The following PRELID2 variants were observed in gnomAD, a reference collection of about 807,000 sequenced individuals.
PRELID2 encodes the protein PRELI domain-containing protein 2.
PRELID2 carries 25 observed loss-of-function variants against 28.4 expected under a neutral mutation model. The observed-to-expected ratio is 0.88, with a 90% confidence interval of 0.64 to 1.23. The LOEUF is 1.23. Ranked by LOEUF, PRELID2 falls within the 50% of genes most tolerant of loss-of-function variation. PRELID2 has a pLI of 0.00. For missense variants in PRELID2, 201 were observed against 214.4 expected (o/e 0.94, Z 0.39); for synonymous variants, 76 against 71.6 (o/e 1.06, Z -0.31).
At chr5:145,722,033 T>C (rs1219922851) in intron 1 of PRELID2, among the ~76,000 whole-genome samples, 3 of 152,090 alleles carry the variant, frequency 2.0e-5, no homozygotes, top group African/African-American at 7.2e-5. Context: ...CCAGGTCAAG[T>C]AGACAAAACA....
At chr5:145,308,329 C>T in the PRELID2 span, among the ~76,000 whole-genome samples, 1 of 152,214 alleles carries the variant, frequency 6.6e-6, no homozygotes, top group Non-Finnish European at 1.5e-5. Flanking sequence ...AAGATTTAAG[C>T]TGAGGAAAGA....
chr5:145,604,178 C>G (rs1753461951), intron 1 of PRELID2, among the ~76,000 whole-genome samples: 1 of 151,888 alleles, frequency 6.6e-6, no homozygotes, highest in Admixed American at 6.6e-5. Context: ...GTCTGATGTA[C>G]AGATTATTTT....
chr5:145,275,277 G>A, the PRELID2 span, among the ~76,000 whole-genome samples: 3 of 152,120 alleles, frequency 2.0e-5, no homozygotes, highest in Non-Finnish European at 4.4e-5. Flanking sequence ...TGGACCACAG[G>A]AGATGGGGGG....
intron 1 of PRELID2, among the ~76,000 whole-genome samples, chr5:145,740,560 A>G (rs1756644584): frequency 1.1e-5 from 1 of 90,682 alleles, no homozygotes; most frequent in Admixed American, 1.5e-4. Flanking sequence ...AGAATATTCA[A>G]GTACCCATGA....
At chr5:145,444,749 C>T in the PRELID2 span, among the ~76,000 whole-genome samples, 38 of 152,074 alleles carry the variant, frequency 2.5e-4, no homozygotes, top group African/African-American at 8.7e-4. Flanking sequence ...TATATCATCC[C>T]TATCACTGAG....
the PRELID2 span, among the ~76,000 whole-genome samples, chr5:145,389,337 G>T: frequency 6.6e-5 from 10 of 152,012 alleles, no homozygotes; most frequent in Non-Finnish European, 1.2e-4. Context: ...TAATGTAACA[G>T]CCTTCACAAG....
the PRELID2 span, among the ~76,000 whole-genome samples, chr5:145,405,038 T>C: frequency 6.6e-6 from 1 of 152,122 alleles, no homozygotes; most frequent in African/African-American, 2.4e-5. Flanking sequence ...TTAAAGAAAG[T>C]GTTTCACAAC....
intron 1 of PRELID2, among the ~76,000 whole-genome samples, chr5:145,583,833 A>G (rs927266777): frequency 2.0e-5 from 3 of 152,210 alleles, no homozygotes; most frequent in African/African-American, 7.2e-5. Context: ...ATGGGTAAAA[A>G]GAATCAATAT....
At chr5:145,272,949 A>G in the PRELID2 span, among the ~76,000 whole-genome samples, 8 of 152,120 alleles carry the variant, frequency 5.3e-5, no homozygotes, top group African/African-American at 1.9e-4. Flanking sequence ...GAACAGGCCC[A>G]TGTTTCATGG....
chr5:145,328,356 CCA>C, the PRELID2 span, among the ~76,000 whole-genome samples: 3 of 152,140 alleles, frequency 2.0e-5, no homozygotes, highest in African/African-American at 7.2e-5. Flanking sequence ...TGAGGAAACA[CCA>C]CACAGTCTTC....
chr5:145,725,328 C>A (rs918993921), intron 1 of PRELID2, among the ~76,000 whole-genome samples: 1 of 152,068 alleles, frequency 6.6e-6, no homozygotes, highest in African/African-American at 2.4e-5. Context: ...CATTAGAAGT[C>A]TGAATAATTC....
chr5:145,783,654 G>C (rs1476509279), intron 5 of PRELID2, among the ~76,000 whole-genome samples: 3 of 152,074 alleles, frequency 2.0e-5, no homozygotes, highest in Non-Finnish European at 2.9e-5. Context: ...AAACCCTCTG[G>C]AATAGGGAAA....
chr5:145,815,642 A>G (rs79201364), intron 4 of PRELID2, among the ~76,000 whole-genome samples: 2,545 of 152,350 alleles, frequency 0.017, 52 homozygotes, highest in African/African-American at 0.053. Flanking sequence ...TGGACTTTTC[A>G]AATAAATGGA....
chr5:145,371,502 A>C, the PRELID2 span, among the ~76,000 whole-genome samples: 1 of 152,040 alleles, frequency 6.6e-6, no homozygotes, highest in Non-Finnish European at 1.5e-5. Flanking sequence ...GTGCTGCTGG[A>C]TTTGGTTTGC....
chr5:145,682,856 T>G (rs1754964449), intron 1 of PRELID2, among the ~76,000 whole-genome samples: 1 of 152,198 alleles, frequency 6.6e-6, no homozygotes, highest in Non-Finnish European at 1.5e-5. Flanking sequence ...TCACTTGGCA[T>G]AAAAATCAAG....
intron 1 of PRELID2, among the ~76,000 whole-genome samples, chr5:145,700,943 C>T (rs147551045): frequency 1.1e-4 from 17 of 152,226 alleles, no homozygotes; most frequent in Middle Eastern, 3.4e-3. Flanking sequence ...ATAGAATTAT[C>T]TCTGTGTGAC....
chr5:145,765,327 TA>T (rs968148529), intron 5 of PRELID2, among the ~76,000 whole-genome samples: 3 of 152,210 alleles, frequency 2.0e-5, no homozygotes, highest in Non-Finnish European at 4.4e-5. Context: ...TGGCAGTAGT[TA>T]ATATTCATTG....
intron 1 of PRELID2, among the ~76,000 whole-genome samples, chr5:145,653,955 C>G (rs964077603): frequency 6.6e-6 from 1 of 151,934 alleles, no homozygotes; most frequent in African/African-American, 2.4e-5. Context: ...TCACTGAATC[C>G]AGGAGCTGGT....
the PRELID2 span, among the ~76,000 whole-genome samples, chr5:145,432,629 C>A: frequency 6.6e-6 from 1 of 151,944 alleles, no homozygotes; most frequent in South Asian, 2.1e-4. Flanking sequence ...CATAGAGAAA[C>A]TGGGGGAGAT....
Sources: allele counts gnomAD v4.1 joint callset (sites outside exome capture counted in the v4.1 genomes callset), GRCh38; gene constraint gnomAD v4.1.1; transcripts MANE v1.5; gene names NCBI Gene and HGNC (gene_info 2026-07-23, HGNC 2026-07-21).